Variants in MXRA5 observed in about 807,000 individuals in gnomAD.
MXRA5 encodes matrix remodeling associated 5.
MXRA5 carries 41 observed loss-of-function variants against 112.5 expected under a neutral mutation model. That is an observed-to-expected ratio of 0.36 (90% CI 0.28 to 0.47). The LOEUF (loss-of-function observed/expected upper bound fraction) is 0.47, where lower values mean the gene tolerates loss of function less well. Ranked by LOEUF, MXRA5 falls within the 20% of genes least tolerant of loss-of-function variation. MXRA5 has a pLI of 0.99. For missense variants in MXRA5, 2,150 were observed against 2,251.0 expected (o/e 0.96, Z 0.91); for synonymous variants, 862 against 900.8 (o/e 0.96, Z 0.77).
intron 4 of MXRA5, among the ~76,000 whole-genome samples, chrX:3,327,981 T>C (rs1393241528): frequency 8.9e-6 from 1 of 112,795 alleles, no homozygotes; most frequent in African/African-American, 3.2e-5. Flanking sequence ...GCAGAGATGG[T>C]TCTTTGCCCA....
chrX:3,342,540 A>G (rs753769146), intron 2 of MXRA5, among the ~76,000 whole-genome samples: 2 of 112,144 alleles, frequency 1.8e-5, no homozygotes, highest in South Asian at 7.4e-4. Context: ...ATGAGCTATC[A>G]TTGTTGTGGT....
chrX:3,322,372 T>C lies in MXRA5; in HGVS notation c.3313A>G (p.Ser1105Gly), dbSNP rs761959263. Reference protein sequence around the residue: ...LPDSTLGIMSSMSPVKKPAET... With the variant: ...LPDSTLGIMSGMSPVKKPAET... ...GCAGGCTTCTTAACTGGAGACATAC[T>C]GCTCATTATACCCAGTGTGGAGTCA... Residue 1105 changes from serine (S) to glycine (G), a missense_variant, in exon 5 of 7, where the codon AGT becomes GGT. Ser to Gly is a moderately conservative substitution (Grantham distance 56). Transcript: ENST00000217939. 3.6e-5 allele frequency: 44 copies of C among 1,209,626 alleles called. No homozygotes were observed. In the South Asian group the frequency reaches 6.7e-4, roughly 18 times the overall value.
Position 3,316,998 on chromosome X carries a change from C to T in MXRA5, c.6578+105G>A. The T allele has an allele frequency of 6.8e-6, 6 of 879,760 alleles. No homozygotes were observed. The South Asian group carries it at 1.5e-4, about 22-fold the overall frequency. The allele number at this position is 879,760 out of a possible 1,213,427, so 72.5% of individuals were successfully genotyped here. On this transcript the variant is annotated intron_variant, in intron 6 of 6. Coordinates refer to ENST00000217939, the MANE Select transcript of MXRA5 (RefSeq NM_015419.4). ...GCTAATTAATTTCATTTAATTTTAT[C>T]GGACGCAGGGAGCAACGTGTGTGCA...
chrX:3,339,456 C>T (rs1474039076), intron 2 of MXRA5, among the ~76,000 whole-genome samples: 2 of 110,020 alleles, frequency 1.8e-5, no homozygotes, highest in Non-Finnish European at 1.9e-5. Context: ...TTAGTAGAGA[C>T]GGGCTTTCAC....
In MXRA5 at chrX:3,321,457, G is replaced by A. The variant is rs1361459899; in HGVS notation, c.4228C>T (p.Leu1410Phe). 1 of 1,211,129 alleles carries A rather than the reference G, an allele frequency of 8.3e-7. No homozygotes were observed. The highest frequency in any genetic ancestry group is 2.2e-5 in the Admixed American group (1 of 46,018). ...SGENLTDPPL[L>F]KELEDVDFTS... ...AAATCCACATCCTCAAGCTCTTTAA[G>A]AAGGGGAGGGTCTGTAAGATTTTCC... Residue 1410 changes from leucine to phenylalanine, a missense_variant, in exon 5 of 7, where the codon CTT (leucine) becomes TTT (phenylalanine). Physicochemically the swap from Leu to Phe is conservative, Grantham distance 22. This residue lies in a region of MXRA5 where 1,485 missense variants were observed against 1,471.6 expected (regional missense o/e 1.01). Coordinates refer to ENST00000217939, the MANE Select transcript of MXRA5 (RefSeq NM_015419.4).
At chrX:3,313,638 T>C (rs1303375144) in intron 6 of MXRA5, among the ~76,000 whole-genome samples, 1 of 112,711 alleles carries the variant, frequency 8.9e-6, no homozygotes, top group Non-Finnish European at 1.9e-5. Context: ...TACACTTTAC[T>C]AAGAATATAG....
chrX:3,333,227 C>A (rs764040429), intron 2 of MXRA5, among the ~76,000 whole-genome samples: 31 of 94,787 alleles, frequency 3.3e-4, no homozygotes, highest in Non-Finnish European at 5.9e-4. Context: ...CACTTGAACC[C>A]AGGAGGTTGA....
At chrX:3,311,898 C>T (rs1470964215) in intron 6 of MXRA5, among the ~76,000 whole-genome samples, 1 of 112,260 alleles carries the variant, frequency 8.9e-6, no homozygotes, top group African/African-American at 3.2e-5. Context: ...CCCATTCCTG[C>T]AAGTGTGTGT....
chrX:3,317,578 T>C lies in MXRA5; in HGVS notation c.6103A>G (p.Ser2035Gly). Residue 2035 changes from serine to glycine, a missense_variant, in exon 6 of 7, where the codon AGC (serine) becomes GGC (glycine). This residue lies in a region of MXRA5 where 1,485 missense variants were observed against 1,471.6 expected (regional missense o/e 1.01). Transcript: ENST00000217939. ...CVASNAAGAD[S>G]LAIRLHVAAL... is the part of the protein sequence containing the mutation. ...GCCACGTGCAGGCGGATGGCCAGGC[T>C]GTCCGCCCCGGCTGCATTGCTGGCC... The C allele has an allele frequency of 4.1e-6, 5 of 1,210,612 alleles. No individual in the cohort carries two copies. The highest frequency in any genetic ancestry group is 5.6e-6 in the Non-Finnish European group (5 of 895,207).
chrX:3,329,287 A>G (rs1224452977), intron 4 of MXRA5, among the ~76,000 whole-genome samples: 1 of 99,374 alleles, frequency 1.0e-5, no homozygotes, highest in Non-Finnish European at 2.0e-5. Context: ...GGAAGGAAGC[A>G]AGGAAAAAAG....
chrX:3,315,172 A>C (rs2146916335), intron 6 of MXRA5, among the ~76,000 whole-genome samples: 1 of 107,780 alleles, frequency 9.3e-6, no homozygotes, highest in East Asian at 2.9e-4. Context: ...ACCATATACC[A>C]GAAGCACACC....
intron 2 of MXRA5, among the ~76,000 whole-genome samples, chrX:3,341,127 AATATATTATATATTATACATATATT>A (rs1921928843): frequency 1.7e-5 from 1 of 58,227 alleles, no homozygotes. Context: ...TATTATACAT[AATATATTATATATTATACATATATT>A]ATATATTATA....
chrX:3,315,392 GATA>G (rs1921083253), intron 6 of MXRA5, among the ~76,000 whole-genome samples: 7 of 15,913 alleles, frequency 4.4e-4, no homozygotes, highest in Middle Eastern at 0.027. Context: ...ATAGATAGAT[GATA>G]GATAGATAGA....
intron 2 of MXRA5, among the ~76,000 whole-genome samples, chrX:3,341,208 TATA>T (rs1324206461): frequency 1.9e-4 from 10 of 51,658 alleles, no homozygotes; most frequent in African/African-American, 5.8e-4. Flanking sequence ...ATATATAATA[TATA>T]ATAATATATA....
At position 3,321,098 on chromosome X, in the gene MXRA5, A is replaced by G; in HGVS notation, c.4587T>C (p.Val1529=). ...SQASRDSKEN[V]FLNYVGNPET... ...CTGGATTCCCCACATAATTCAAGAA[A>G]ACATTTTCCTTGGAATCTCTAGATG... Residue 1529 remains valine (V), a synonymous_variant, in exon 5 of 7, where the codon GTT becomes GTC. Coordinates refer to ENST00000217939, the MANE Select transcript of MXRA5 (RefSeq NM_015419.4). The G allele has an allele frequency of 8.3e-7, 1 of 1,211,728 alleles. No individual in the cohort carries two copies. The highest frequency in any genetic ancestry group is 1.1e-6 in the Non-Finnish European group (1 of 895,392).
Position 3,310,907 on chromosome X carries a change from C to A in MXRA5, c.7296G>T (p.Trp2432Cys), listed in dbSNP as rs1344426505. The part of the protein sequence containing the change: ...NSAGEDRKTV[W>C]IHVNVQPPKI... ...TGGGTGGCTGGACGTTGACGTGAATCCACACCGTCTTCCTATCCTCTCCCG... is the reference window on the plus strand; with the variant it reads ...TGGGTGGCTGGACGTTGACGTGAATACACACCGTCTTCCTATCCTCTCCCG... Residue 2432 changes from tryptophan (W) to cysteine (C), a missense_variant, in exon 7 of 7, where the codon TGG becomes TGT. Physicochemically the swap from Trp to Cys is radical, Grantham distance 215 (BLOSUM62 -2). This residue lies in a region of MXRA5 where 1,485 missense variants were observed against 1,471.6 expected (regional missense o/e 1.01). Transcript: ENST00000217939. 3.3e-6 allele frequency: 4 copies of A among 1,209,518 alleles called. No individual in the cohort carries two copies. Among genetic ancestry groups the A allele is most frequent in the Non-Finnish European group, 3.4e-6 (3 of 895,166 alleles).
chrX:3,317,290 C>T lies in MXRA5; in HGVS notation c.6391G>A (p.Ala2131Thr), dbSNP rs1281863285. ...ECVAANLVGSARRTVQLNVQR... is the reference protein window; with the variant it reads ...ECVAANLVGSTRRTVQLNVQR... ...ACGTTCAGCTGCACCGTCCTGCGCG[C>T]GGAGCCTACCAGGTTGGCGGCCACG... The change falls in exon 6 of 7, where the codon GCG becomes ACG. Residue 2131 changes from alanine (A) to threonine (T), a missense_variant. Coordinates refer to ENST00000217939, the MANE Select transcript of MXRA5 (RefSeq NM_015419.4). 1.0e-5 allele frequency: 12 copies of T among 1,205,761 alleles called. No homozygotes were observed. The highest frequency in any genetic ancestry group is 1.2e-5 in the Non-Finnish European group (11 of 892,070).
At position 3,317,753 on chromosome X, in the gene MXRA5, C is replaced by G. The variant is rs1921189693; in HGVS notation, c.5928G>C (p.Gly1976=). The G allele has an allele frequency of 8.3e-7, 1 of 1,206,776 alleles. No individual in the cohort carries two copies. Among genetic ancestry groups the G allele is most frequent in the Admixed American group, 2.2e-5 (1 of 45,636 alleles). The change falls in exon 6 of 7, where the codon GGG becomes GGC. Residue 1976 remains glycine (G), a synonymous_variant. Coordinates refer to ENST00000217939, the MANE Select transcript of MXRA5 (RefSeq NM_015419.4). ...DTIAMECLAK[G]TPAPQISWIF... ...TCCAGGAAATTTGGGGGGCTGGGGT[C>G]CCTTTGGCCAGACACTCCATTGCAA...
At chrX:3,344,736 C>T (rs961206354) in intron 1 of MXRA5, among the ~76,000 whole-genome samples, 14 of 111,310 alleles carry the variant, frequency 1.3e-4, no homozygotes, top group Admixed American at 3.9e-4. Context: ...TAGTGACACA[C>T]ATGGAAAGTA....
Sources: allele counts gnomAD v4.1 joint callset (sites outside exome capture counted in the v4.1 genomes callset), GRCh38; gene constraint gnomAD v4.1.1; regional missense constraint gnomAD v4.1.1; transcripts MANE v1.5; gene names NCBI Gene and HGNC (gene_info 2026-07-23, HGNC 2026-07-21).